The following NKAIN2 variants were observed in gnomAD, a reference collection of about 807,000 sequenced individuals.
The protein encoded by NKAIN2 is sodium/potassium-transporting ATPase subunit beta-1-interacting protein 2.
Under a neutral mutation model 32.6 loss-of-function variants are expected in NKAIN2, and 14 were observed. The ratio of observed to expected loss-of-function variants is 0.43; its 90% CI spans 0.28 to 0.67. NKAIN2 has a LOEUF of 0.67. Ranked by LOEUF, NKAIN2 falls within the 30% of genes least tolerant of loss-of-function variation. The pLI, the probability that NKAIN2 is intolerant of heterozygous loss-of-function variation, is 0.17. For synonymous variants in NKAIN2, 80 were observed against 87.2 expected (o/e 0.92, Z 0.46); for missense variants, 198 against 258.3 (o/e 0.77, Z 1.60).
intron 1 of NKAIN2, among the ~76,000 whole-genome samples, chr6:124,147,360 T>G (rs1272485187): frequency 6.6e-6 from 1 of 152,144 alleles, no homozygotes; most frequent in African/African-American, 2.4e-5. Flanking sequence ...GACCCGTGGT[T>G]GTTAAGGATC....
At chr6:124,043,666 A>G (rs568910390) in intron 1 of NKAIN2, among the ~76,000 whole-genome samples, 2 of 152,214 alleles carry the variant, frequency 1.3e-5, no homozygotes, top group East Asian at 1.9e-4. Flanking sequence ...AGCTAAGATC[A>G]TATGTTTTTA....
intron 3 of NKAIN2, among the ~76,000 whole-genome samples, chr6:124,606,839 A>G (rs1206273814): frequency 6.6e-6 from 1 of 152,106 alleles, no homozygotes; most frequent in African/African-American, 2.4e-5. Flanking sequence ...TGCTCCTTCC[A>G]AAGAAGGGGT....
chr6:124,337,107 G>T (rs1405942816), intron 2 of NKAIN2, among the ~76,000 whole-genome samples: 1 of 152,176 alleles, frequency 6.6e-6, no homozygotes, highest in African/African-American at 2.4e-5. Context: ...AAAATACAAA[G>T]CTGCAAAGCT....
intron 1 of NKAIN2, among the ~76,000 whole-genome samples, chr6:123,868,553 T>C (rs971155824): frequency 3.3e-5 from 5 of 152,180 alleles, no homozygotes; most frequent in Admixed American, 3.3e-4. Context: ...TTCTCAGTAA[T>C]ACATGAATAG....
chr6:124,466,009 A>G (rs774893364), intron 3 of NKAIN2, among the ~76,000 whole-genome samples: 2 of 152,136 alleles, frequency 1.3e-5, no homozygotes, highest in Admixed American at 6.6e-5. Context: ...ACATGTATCA[A>G]TATTTTTTTA....
intron 1 of NKAIN2, among the ~76,000 whole-genome samples, chr6:124,176,178 A>T (rs554472979): frequency 6.6e-6 from 1 of 152,326 alleles, no homozygotes; most frequent in Non-Finnish European, 1.5e-5. Flanking sequence ...ACTTTAAAAT[A>T]CTTTATTGTA....
At chr6:123,992,113 T>C (rs192756044) in intron 1 of NKAIN2, among the ~76,000 whole-genome samples, 1 of 152,200 alleles carries the variant, frequency 6.6e-6, no homozygotes, top group Admixed American at 6.6e-5. Context: ...GGGCTGGCAG[T>C]GGAGGCTGTA....
chr6:123,976,401 A>G lies in NKAIN2; in HGVS notation c.54+172147A>G, dbSNP rs1202609221. On this transcript the variant is annotated intron_variant, in intron 1 of 6. Transcript: ENST00000368417. ...TATATATATATATATATATATATAT[A>G]TATATATATATATATGGAAAGAGAG... Among the ~76,000 whole-genome samples, 6 of 54,350 alleles carry G rather than the reference A, an allele frequency of 1.1e-4. 1 individual carries two copies. The highest frequency in any genetic ancestry group is 1.9e-4 in the Non-Finnish European group (5 of 26,364). 35.7% of individuals were successfully genotyped at this position (54,350 alleles called of 152,430 possible). A position where few individuals can be genotyped will look rare whatever the true frequency, so the allele number is the denominator to read the frequency against.
chr6:124,307,067 G>A (rs544808877), intron 2 of NKAIN2, among the ~76,000 whole-genome samples: 3 of 152,080 alleles, frequency 2.0e-5, no homozygotes, highest in Non-Finnish European at 4.4e-5. Context: ...TGAGGAAAAG[G>A]CCCGCTCGGG....
At chr6:124,236,960 A>G (rs1255580638) in intron 1 of NKAIN2, among the ~76,000 whole-genome samples, 1 of 152,198 alleles carries the variant, frequency 6.6e-6, no homozygotes, top group Non-Finnish European at 1.5e-5. Context: ...AGGAACATAT[A>G]AAATATTGCA....
At chr6:123,806,866 G>A (rs993617204) in intron 1 of NKAIN2, among the ~76,000 whole-genome samples, 15 of 151,932 alleles carry the variant, frequency 9.9e-5, no homozygotes, top group African/African-American at 2.7e-4. Context: ...TCCAGTCCTC[G>A]GAGCAAAGTA....
At chr6:124,667,285 A>T (rs1171479428) in intron 4 of NKAIN2, among the ~76,000 whole-genome samples, 1 of 152,138 alleles carries the variant, frequency 6.6e-6, no homozygotes, top group Non-Finnish European at 1.5e-5. Context: ...TGCAAAAAAA[A>T]TCACCAATAA....
chr6:124,675,204 G>C (rs1773296170), intron 4 of NKAIN2, among the ~76,000 whole-genome samples: 1 of 151,854 alleles, frequency 6.6e-6, no homozygotes, highest in African/African-American at 2.4e-5. Flanking sequence ...TACATCCCAG[G>C]GATAAATTCT....
chr6:124,773,809 G>A (rs1307808918), intron 4 of NKAIN2, among the ~76,000 whole-genome samples: 2 of 152,166 alleles, frequency 1.3e-5, no homozygotes. Context: ...ATTTAAAATA[G>A]TGATCAAAGT....
chr6:124,055,072 A>G (rs1281477647), intron 1 of NKAIN2, among the ~76,000 whole-genome samples: 2 of 151,996 alleles, frequency 1.3e-5, no homozygotes, highest in East Asian at 2.0e-4. Flanking sequence ...CAAATACTAT[A>G]TCACCTAGAT....
chr6:124,651,868 A>G (rs756226350), intron 3 of NKAIN2, among the ~76,000 whole-genome samples: 1 of 152,188 alleles, frequency 6.6e-6, no homozygotes, highest in African/African-American at 2.4e-5. Flanking sequence ...TCTTCTAGCC[A>G]TACTGATCTC....
At position 124,791,326 on chromosome 6, in the gene NKAIN2, T is replaced by C. The variant is rs369014684; in HGVS notation, c.475-13T>C. On this transcript the variant is annotated splice_polypyrimidine_tract_variant and intron_variant, in intron 4 of 6. Coordinates refer to ENST00000368417, the MANE Select transcript of NKAIN2 (RefSeq NM_001040214.3). ...CTTTTTCTGATGTCTAAAGCATCTC[T>C]GTTTTGTTTCAGCTGGCAGGTTTCA... 74 of 1,604,772 alleles carry C rather than the reference T, an allele frequency of 4.6e-5. No homozygotes were observed. The highest frequency in any genetic ancestry group is 8.0e-5 in the African/African-American group (6 of 74,730).
chr6:124,541,341 C>G (rs184454762), intron 3 of NKAIN2, among the ~76,000 whole-genome samples: 1 of 152,258 alleles, frequency 6.6e-6, no homozygotes, highest in African/African-American at 2.4e-5. Context: ...GCATGAGCAG[C>G]TAACTTCTCT....
intron 3 of NKAIN2, among the ~76,000 whole-genome samples, chr6:124,392,552 G>T (rs1773188622): frequency 6.6e-6 from 1 of 152,050 alleles, no homozygotes. Flanking sequence ...GTGTGTATTT[G>T]CCCTGAGCCG....
Sources: gnomAD v4.1 joint callset for allele counts (sites outside exome capture counted in the v4.1 genomes callset) on GRCh38, gnomAD v4.1.1 for gene constraint, MANE v1.5 for transcripts, NCBI Gene and HGNC (gene_info 2026-07-23, HGNC 2026-07-21) for gene names.